Variants in NBAS observed in about 807,000 individuals in gnomAD.
NBAS encodes the protein NBAS subunit of NRZ tethering complex.
In NBAS, 219 loss-of-function variants were observed where a neutral mutation model predicts 302.5. That is an observed-to-expected ratio of 0.72 (90% CI 0.65 to 0.81). The LOEUF is 0.81. NBAS is among the 30% of genes least tolerant of loss of function. The pLI, the probability that NBAS is intolerant of heterozygous loss-of-function variation, is 0.00. For missense variants in NBAS, 2,932 were observed against 2,841.6 expected, an observed-to-expected ratio of 1.03 and a Z score of -0.72; for synonymous variants, 1,118 against 1,021.6, an observed-to-expected ratio of 1.09 and a Z score of -1.80.
the NBAS span, among the ~76,000 whole-genome samples, chr2:14,821,976 T>G: frequency 6.6e-6 from 1 of 151,872 alleles, no homozygotes; most frequent in African/African-American, 2.4e-5. Flanking sequence ...GAGGTTGCAG[T>G]GAGCCGAGAT....
At chr2:15,289,873 T>C (rs1254375538) in intron 41 of NBAS, among the ~76,000 whole-genome samples, 1 of 152,160 alleles carries the variant, frequency 6.6e-6, no homozygotes, top group Non-Finnish European at 1.5e-5. Flanking sequence ...GGCATGCACC[T>C]GTAGTCCCAG....
At chr2:14,800,477 G>A in the NBAS span, among the ~76,000 whole-genome samples, 280 of 152,274 alleles carry the variant, frequency 1.8e-3, no homozygotes, top group African/African-American at 6.6e-3. Context: ...AAATTACCCA[G>A]TCTCAGGTAT....
the NBAS span, among the ~76,000 whole-genome samples, chr2:14,806,749 A>T: frequency 6.6e-6 from 1 of 152,270 alleles, no homozygotes; most frequent in Non-Finnish European, 1.5e-5. Flanking sequence ...AAGGGAGGAA[A>T]ATCGGTTGGC....
chr2:15,476,275 T>C (rs572585293), intron 13 of NBAS, among the ~76,000 whole-genome samples: 2 of 152,250 alleles, frequency 1.3e-5, no homozygotes, highest in South Asian at 2.1e-4. Flanking sequence ...AATGTACACA[T>C]ACCACTTTCA....
the NBAS span, among the ~76,000 whole-genome samples, chr2:14,801,338 T>C: frequency 2.0e-5 from 3 of 152,174 alleles, no homozygotes; most frequent in Admixed American, 6.5e-5. Context: ...AATTGCTCCA[T>C]AGCTCTGTTC....
chr2:15,524,190 T>C (rs1662810514), intron 9 of NBAS, among the ~76,000 whole-genome samples: 1 of 152,212 alleles, frequency 6.6e-6, no homozygotes, highest in Non-Finnish European at 1.5e-5. Flanking sequence ...ATTAAAAATA[T>C]CTGTGCATGT....
intron 44 of NBAS, among the ~76,000 whole-genome samples, chr2:15,261,118 T>A (rs1668832491): frequency 6.6e-6 from 1 of 152,232 alleles, no homozygotes. Context: ...TTATCTCAGC[T>A]ATATTTAACT....
the NBAS span, among the ~76,000 whole-genome samples, chr2:14,906,337 AAAAG>A: frequency 2.0e-5 from 3 of 152,244 alleles, no homozygotes; most frequent in African/African-American, 4.8e-5. Context: ...ACAGGTGAGA[AAAAG>A]AAAGATAAGC....
rs1403149954 is a variant in NBAS, at chr2:15,488,982, A to G, written c.995T>C (p.Leu332Pro). ...FKMSLSPDGM[L>P]LAAIHFSGKL... ...CCCTGAGAAGTGAATGGCTGCCAGG[A>G]GCATCCCATCTGGAGAAAGGCTCAT... is the stretch of plus-strand genomic sequence containing the variant. The change falls in exon 12 of 52, where the codon CTC becomes CCC. Residue 332 changes from leucine to proline, a missense_variant. By Grantham distance (98) the Leu-to-Pro change is moderately conservative. Transcript: ENST00000281513. The G allele has an allele frequency of 6.2e-7, 1 of 1,613,882 alleles. No individual in the cohort carries two copies.
intron 22 of NBAS, 87 bp downstream of exon 22, chr2:15,427,624 T>G: frequency 9.0e-7 from 1 of 1,114,790 alleles, no homozygotes; most frequent in South Asian, 1.3e-5. Context: ...CAAGTAAGGT[T>G]TCATTGGTCA....
At chr2:15,358,984 A>C (rs1171237018) in intron 32 of NBAS, among the ~76,000 whole-genome samples, 1 of 152,230 alleles carries the variant, frequency 6.6e-6, no homozygotes, top group Non-Finnish European at 1.5e-5. Context: ...AATTTATCTT[A>C]TCTGAATAAA....
chr2:15,418,449 C>CCTA (rs1677051487), intron 23 of NBAS, among the ~76,000 whole-genome samples: 1 of 152,188 alleles, frequency 6.6e-6, no homozygotes, highest in Non-Finnish European at 1.5e-5. Flanking sequence ...TTCATGAGGA[C>CCTA]CTACTAGAAG....
chr2:15,356,720 A>G (rs1321946591), intron 32 of NBAS, among the ~76,000 whole-genome samples: 2 of 152,214 alleles, frequency 1.3e-5, no homozygotes, highest in African/African-American at 2.4e-5. Context: ...AGGGTAAGGG[A>G]AAGAGAAGAA....
At chr2:15,065,354 C>T in the NBAS span, among the ~76,000 whole-genome samples, 47 of 152,182 alleles carry the variant, frequency 3.1e-4, no homozygotes, top group African/African-American at 1.1e-3. Flanking sequence ...ACAAGGATGT[C>T]CTCTCTCAGC....
At chr2:14,872,477 C>T in the NBAS span, among the ~76,000 whole-genome samples, 1 of 152,158 alleles carries the variant, frequency 6.6e-6, no homozygotes, top group Non-Finnish European at 1.5e-5. Context: ...CTCAGCCTCC[C>T]TAATGCGTCT....
the NBAS span, among the ~76,000 whole-genome samples, chr2:14,801,095 G>A: frequency 6.6e-6 from 1 of 151,862 alleles, no homozygotes; most frequent in Non-Finnish European, 1.5e-5. Context: ...TAAATCTACT[G>A]TCATCCTTTA....
chr2:14,887,018 A>C, the NBAS span, among the ~76,000 whole-genome samples: 1 of 152,206 alleles, frequency 6.6e-6, no homozygotes, highest in Non-Finnish European at 1.5e-5. Context: ...ACCTTCTTAA[A>C]TTGATTGACA....
At position 15,467,419 on chromosome 2, in the gene NBAS, A is replaced by G; in HGVS notation, c.2019-12T>C. 6.2e-7 allele frequency: 1 copy of G among 1,603,412 alleles called. No individual in the cohort carries two copies. The highest frequency in any genetic ancestry group is 8.5e-7 in the Non-Finnish European group (1 of 1,170,470). ...GTTCCAGTGTCAACCTGTTTTGAAT[A>G]ACTATGTTAGGCCACTTATATTTAC... On this transcript the variant is annotated splice_polypyrimidine_tract_variant and intron_variant, in intron 18 of 51. Transcript: ENST00000281513.
chr2:15,503,262 C>A (rs890021148), intron 11 of NBAS, among the ~76,000 whole-genome samples: 1 of 151,928 alleles, frequency 6.6e-6, no homozygotes, highest in African/African-American at 2.4e-5. Context: ...AAGGAGTACT[C>A]TCTAAAATAA....
Sources: gnomAD v4.1 joint callset for allele counts (sites outside exome capture counted in the v4.1 genomes callset) on GRCh38, gnomAD v4.1.1 for gene constraint, MANE v1.5 for transcripts, NCBI Gene and HGNC (gene_info 2026-07-23, HGNC 2026-07-21) for gene names.